IQCM: variants seen among roughly 807,000 people sequenced by gnomAD.
The protein encoded by IQCM is IQ motif containing M.
Under a neutral mutation model 57.6 loss-of-function variants are expected in IQCM, and 45 were observed. The ratio of observed to expected loss-of-function variants is 0.78; its 90% CI spans 0.62 to 1.00. The LOEUF (loss-of-function observed/expected upper bound fraction) is 1.00, where lower values mean the gene tolerates loss of function less well. Ranked by LOEUF, IQCM falls within the 50% of genes least tolerant of loss-of-function variation. IQCM has a pLI of 0.00. For missense variants in IQCM, 468 were observed against 511.6 expected, an observed-to-expected ratio of 0.91 and a Z score of 0.82; for synonymous variants, 148 against 158.9, an observed-to-expected ratio of 0.93 and a Z score of 0.51.
At chr4:149,621,647 T>G (rs1269916638) in intron 7 of IQCM, among the ~76,000 whole-genome samples, 1 of 152,122 alleles carries the variant, frequency 6.6e-6, no homozygotes, top group African/African-American at 2.4e-5. Context: ...AAAAGAAAAT[T>G]CAGTATTTTA....
chr4:149,733,753 T>C (rs1055920528), intron 4 of IQCM, among the ~76,000 whole-genome samples: 3 of 152,180 alleles, frequency 2.0e-5, no homozygotes, highest in Non-Finnish European at 2.9e-5. Flanking sequence ...ATATTCCCCT[T>C]TGAAAGAAAT....
intron 12 of IQCM, among the ~76,000 whole-genome samples, chr4:149,458,296 T>C (rs1299933399): frequency 3.3e-5 from 5 of 151,966 alleles, no homozygotes; most frequent in Admixed American, 3.3e-4. Context: ...CCCTAAGCAG[T>C]AAACAGTGTA....
intron 10 of IQCM, among the ~76,000 whole-genome samples, chr4:149,557,444 A>G (rs1428499479): frequency 6.6e-6 from 1 of 152,088 alleles, no homozygotes; most frequent in Non-Finnish European, 1.5e-5. Context: ...CAACCTGGAG[A>G]AATGCTACTA....
chr4:149,438,381 T>C (rs964043209), intron 12 of IQCM, among the ~76,000 whole-genome samples: 1 of 152,104 alleles, frequency 6.6e-6, no homozygotes, highest in African/African-American at 2.4e-5. Context: ...TAATGCATCC[T>C]TCATGGACTA....
intron 12 of IQCM, among the ~76,000 whole-genome samples, chr4:149,462,712 G>A (rs1224830640): frequency 2.6e-5 from 4 of 152,198 alleles, no homozygotes; most frequent in Non-Finnish European, 5.9e-5. Flanking sequence ...AAAGACATAA[G>A]TATTTTCAGC....
intron 12 of IQCM, among the ~76,000 whole-genome samples, chr4:149,545,796 A>G (rs1359540004): frequency 1.3e-5 from 2 of 150,256 alleles, no homozygotes; most frequent in Non-Finnish European, 3.0e-5. Context: ...CTGTCAACAA[A>G]TGAATGGAAA....
At chr4:149,453,978 T>A (rs1174585932) in intron 12 of IQCM, among the ~76,000 whole-genome samples, 5 of 151,618 alleles carry the variant, frequency 3.3e-5, no homozygotes. Context: ...CATCAACTGA[T>A]GAGTAGGTAA....
rs375972746 is a variant in IQCM, at chr4:149,380,219, C to CGTGT, written c.1391-28157_1391-28154dup. ...GAAGATCATGCATAATGAATGTGCT[C>CGTGT]GTGTGTGTGTGTGTGTGTGTGTGTG... On this transcript the variant is annotated intron_variant, in intron 13 of 13. Transcript: ENST00000636793. Among the ~76,000 whole-genome samples, 479 of 148,340 alleles carry CGTGT rather than the reference C, an allele frequency of 3.2e-3. 2 individuals carry two copies. The highest frequency in any genetic ancestry group is 0.016 in the South Asian group (72 of 4,632).
chr4:149,528,552 A>C (rs1315472283), intron 12 of IQCM, among the ~76,000 whole-genome samples: 1 of 152,218 alleles, frequency 6.6e-6, no homozygotes, highest in Non-Finnish European at 1.5e-5. Flanking sequence ...ATTGCCTTGG[A>C]GAGCTCTGAA....
intron 5 of IQCM, among the ~76,000 whole-genome samples, chr4:149,721,492 G>A (rs556476454): frequency 1.7e-3 from 264 of 152,078 alleles, no homozygotes; most frequent in African/African-American, 5.2e-3. Flanking sequence ...CACTCTATAT[G>A]CCTTTGTGCA....
chr4:149,567,119 T>G (rs1312253119), intron 9 of IQCM, among the ~76,000 whole-genome samples: 1 of 152,166 alleles, frequency 6.6e-6, no homozygotes, highest in East Asian at 1.9e-4. Context: ...ATCAAAAAGT[T>G]CCTTTTATCA....
intron 2 of IQCM, among the ~76,000 whole-genome samples, chr4:149,802,560 G>A (rs572964533): frequency 5.4e-4 from 82 of 151,914 alleles, no homozygotes; most frequent in Non-Finnish European, 9.1e-4. Flanking sequence ...AAACCTGCTT[G>A]TAACAAAAGC....
At chr4:149,699,568 T>G (rs957393064) in intron 5 of IQCM, among the ~76,000 whole-genome samples, 3 of 151,798 alleles carry the variant, frequency 2.0e-5, no homozygotes, top group African/African-American at 7.3e-5. Flanking sequence ...AATCCTGATC[T>G]TCCCCCTAAA....
At chr4:149,569,962 T>C (rs546930207) in intron 9 of IQCM, among the ~76,000 whole-genome samples, 1 of 152,214 alleles carries the variant, frequency 6.6e-6, no homozygotes, top group South Asian at 2.1e-4. Context: ...TGTTTGCTTT[T>C]ACTAGTACAA....
At chr4:149,633,167 CAAAAAAAAAAA>C (rs71596216) in intron 7 of IQCM, among the ~76,000 whole-genome samples, 2 of 22,938 alleles carry the variant, frequency 8.7e-5, no homozygotes, top group Admixed American at 1.3e-3. Context: ...GACTCCGTCT[CAAAAAAAAAAA>C]AAAAAAAAAA....
At position 149,393,609 on chromosome 4, in the gene IQCM, A is replaced by G. The variant is rs551455197; in HGVS notation, c.1390+39787T>C. Among the ~76,000 whole-genome samples the G allele has an allele frequency of 7.5e-4, 114 of 151,948 alleles. 1 individual carries two copies. Among genetic ancestry groups the G allele is most frequent in the Non-Finnish European group, 1.5e-3 (100 of 67,950 alleles). Reference sequence around the variant, plus strand: ...AACACTGCTTACTAAAGCTGTGGGGAACCAAAGACCAAGAGATTTTAAAAG... The same window carrying G: ...AACACTGCTTACTAAAGCTGTGGGGGACCAAAGACCAAGAGATTTTAAAAG... On this transcript the variant is annotated intron_variant, in intron 13 of 13. Coordinates refer to ENST00000636793, the MANE Select transcript of IQCM (RefSeq NM_001363507.2).
chr4:149,382,203 G>A (rs1330613579), intron 13 of IQCM, among the ~76,000 whole-genome samples: 1 of 152,008 alleles, frequency 6.6e-6, no homozygotes, highest in Non-Finnish European at 1.5e-5. Context: ...AATGGTGCCT[G>A]GCATACAGTA....
At chr4:149,368,036 C>T (rs2110955049) in intron 13 of IQCM, among the ~76,000 whole-genome samples, 1 of 152,120 alleles carries the variant, frequency 6.6e-6, no homozygotes, top group East Asian at 1.9e-4. Flanking sequence ...CCTCTGCCTT[C>T]TAAAGTGCAA....
At chr4:149,405,871 C>CATATATATATATATCTTCATATATAT (rs1553960963) in intron 13 of IQCM, among the ~76,000 whole-genome samples, 2 of 93,996 alleles carry the variant, frequency 2.1e-5, no homozygotes, top group African/African-American at 8.1e-5. Context: ...TATCTCTCTC[C>CATATATATATATATCTTCATATATAT]ATATATATAT....
Sources: allele counts gnomAD v4.1 joint callset (sites outside exome capture counted in the v4.1 genomes callset), GRCh38; gene constraint gnomAD v4.1.1; transcripts MANE v1.5; gene names NCBI Gene and HGNC (gene_info 2026-07-23, HGNC 2026-07-21).